SULF1: variants seen among roughly 807,000 people sequenced by gnomAD.
The protein encoded by SULF1 is sulfatase 1, also known as extracellular sulfatase Sulf-1.
Under a neutral mutation model 110.5 loss-of-function variants are expected in SULF1, and 46 were observed. The observed-to-expected ratio is 0.42, with a 90% CI of 0.33 to 0.53. SULF1 has a LOEUF of 0.53. SULF1 is among the 20% of genes least tolerant of loss of function. The pLI, the probability that SULF1 is intolerant of heterozygous loss-of-function variation, is 0.12. For missense variants in SULF1, 941 were observed against 1,094.2 expected (o/e 0.86, Z 1.98); for synonymous variants, 371 against 387.1 (o/e 0.96, Z 0.49).
intron 5 of SULF1, among the ~76,000 whole-genome samples, chr8:69,566,770 G>C (rs965387738): frequency 2.0e-5 from 3 of 152,128 alleles, no homozygotes. Context: ...AGAATTGCTT[G>C]ACCCGTGAGG....
At chr8:69,608,338 C>T (rs1157279675) in intron 13 of SULF1, among the ~76,000 whole-genome samples, 1 of 152,150 alleles carries the variant, frequency 6.6e-6, no homozygotes, top group African/African-American at 2.4e-5. Flanking sequence ...ATTATTATTC[C>T]AAGCCATCTT....
Position 69,647,191 on chromosome 8 carries a change from C to T in SULF1, c.2585+6350C>T, listed in dbSNP as rs1811984883. On this transcript the variant is annotated intron_variant, in intron 22 of 22. Coordinates refer to ENST00000402687, the MANE Select transcript of SULF1 (RefSeq NM_001128205.2). Reference sequence around the variant, plus strand: ...AACTCCTGCTCAAGTGATCCTCCCACCTCAGCCTCCCAAAGTGCTGAGATT... The same window carrying T: ...AACTCCTGCTCAAGTGATCCTCCCATCTCAGCCTCCCAAAGTGCTGAGATT... 3.3e-5 allele frequency among the ~76,000 whole-genome samples: 5 copies of T among 151,738 alleles called. No homozygotes were observed. In the South Asian group the frequency reaches 1.0e-3, roughly 32 times the overall value.
At chr8:69,540,987 G>A (rs1364442141) in intron 3 of SULF1, among the ~76,000 whole-genome samples, 4 of 152,058 alleles carry the variant, frequency 2.6e-5, no homozygotes, top group African/African-American at 7.2e-5. Context: ...TTCTAATCTT[G>A]AAAGCTTATA....
intron 6 of SULF1, among the ~76,000 whole-genome samples, chr8:69,578,070 T>C (rs1031749215): frequency 1.3e-5 from 2 of 152,152 alleles, no homozygotes; most frequent in African/African-American, 4.8e-5. Context: ...TATTTAGAAC[T>C]AAGCATCCAG....
chr8:69,584,594 A>G lies in SULF1; in HGVS notation c.413-1763A>G, dbSNP rs1806311499. 2.0e-5 allele frequency: 3 copies of G among 152,230 alleles called. No individual in the cohort carries two copies. In the South Asian group the frequency reaches 6.2e-4, roughly 31 times the overall value. 9.4% of individuals were successfully genotyped at this position (152,230 alleles called of 1,614,324 possible). On this transcript the variant is annotated intron_variant, in intron 6 of 22. Transcript: ENST00000402687. ...GGTAAGTCAAAAATGCATTTAATAT[A>G]CTGAACCTACCGAACACCAGAGCTT...
chr8:69,500,523 G>T (rs1442629037), intron 2 of SULF1, among the ~76,000 whole-genome samples: 4 of 152,144 alleles, frequency 2.6e-5, no homozygotes, highest in Non-Finnish European at 5.9e-5. Flanking sequence ...AGATACTTTT[G>T]ACATCACATT....
chr8:69,565,833 C>A (rs1815838534), intron 5 of SULF1, among the ~76,000 whole-genome samples: 1 of 152,136 alleles, frequency 6.6e-6, no homozygotes, highest in Non-Finnish European at 1.5e-5. Flanking sequence ...CACTTTCACT[C>A]TGTGCTTCAT....
At chr8:69,504,944 G>A (rs1407557629) in intron 3 of SULF1, among the ~76,000 whole-genome samples, 2 of 152,248 alleles carry the variant, frequency 1.3e-5, no homozygotes, top group African/African-American at 4.8e-5. Flanking sequence ...TCAAAATGCT[G>A]CCCTGTGCAT....
At chr8:69,514,816 A>G (rs1244534893) in intron 3 of SULF1, among the ~76,000 whole-genome samples, 3 of 152,210 alleles carry the variant, frequency 2.0e-5, no homozygotes, top group Non-Finnish European at 4.4e-5. Flanking sequence ...AGCCCCATGC[A>G]AGTCTGAAAC....
chr8:69,507,910 A>G (rs1811304416), intron 3 of SULF1, among the ~76,000 whole-genome samples: 1 of 152,154 alleles, frequency 6.6e-6, no homozygotes, highest in South Asian at 2.1e-4. Context: ...ATAATCTGGC[A>G]TGTAGGGGAA....
At chr8:69,572,314 C>T (rs948992709) in intron 5 of SULF1, among the ~76,000 whole-genome samples, 1 of 152,106 alleles carries the variant, frequency 6.6e-6, no homozygotes, top group Non-Finnish European at 1.5e-5. Flanking sequence ...TCTGTGTGGC[C>T]CTAGGCACAG....
At chr8:69,586,219 A>G (rs1431611945) in intron 6 of SULF1, 138 bp from the exon 7 acceptor site, 16 of 757,838 alleles carry the variant, frequency 2.1e-5, no homozygotes, top group Admixed American at 3.4e-5. Flanking sequence ...TATTACACTA[A>G]TGTCATTTTG....
chr8:69,645,185 C>T (rs1028850428), intron 22 of SULF1, among the ~76,000 whole-genome samples: 2 of 152,102 alleles, frequency 1.3e-5, no homozygotes, highest in African/African-American at 4.8e-5. Context: ...AGCTGGGTAG[C>T]GGCAGGGGTG....
chr8:69,493,455 AC>A (rs1554559576), intron 1 of SULF1, among the ~76,000 whole-genome samples: 2 of 29,616 alleles, frequency 6.8e-5, no homozygotes, highest in African/African-American at 1.7e-4. Flanking sequence ...CACTACACAC[AC>A]ACACACACAC....
intron 2 of SULF1, among the ~76,000 whole-genome samples, 164 bp downstream of exon 2, chr8:69,496,090 T>A (rs1016615753): frequency 6.6e-6 from 1 of 152,276 alleles, no homozygotes; most frequent in Admixed American, 6.5e-5. Flanking sequence ...TCACCCTTTC[T>A]GTGCTCAGCA....
At position 69,603,221 on chromosome 8, in the gene SULF1, T is replaced by C; in HGVS notation, c.1091T>C (p.Leu364Ser). 6.2e-7 allele frequency: 1 copy of C among 1,614,176 alleles called. No individual in the cohort carries two copies. The highest frequency in any genetic ancestry group is 8.5e-7 in the Non-Finnish European group (1 of 1,180,036). ...IVPQIVLNID[L>S]APTILDIAGL... ...CCACAGATCGTTCTCAACATTGACTTGGCCCCCACGATCCTGGATATTGCT... is the reference window on the plus strand; with the variant it reads ...CCACAGATCGTTCTCAACATTGACTCGGCCCCCACGATCCTGGATATTGCT... The change falls in exon 11 of 23, where the codon TTG (leucine) becomes TCG (serine). Residue 364 changes from leucine to serine, a missense_variant. Leu to Ser is a moderately radical substitution (Grantham distance 145). Transcript: ENST00000402687.
At chr8:69,589,686 G>A (rs963462909) in intron 8 of SULF1, among the ~76,000 whole-genome samples, 4 of 151,858 alleles carry the variant, frequency 2.6e-5, no homozygotes, top group African/African-American at 9.7e-5. Context: ...TTTTTAAAGA[G>A]GCAGGAGTCT....
intron 6 of SULF1, among the ~76,000 whole-genome samples, chr8:69,583,135 A>G (rs1242501837): frequency 1.3e-5 from 2 of 152,228 alleles, no homozygotes; most frequent in Non-Finnish European, 2.9e-5. Flanking sequence ...CATTCATTCA[A>G]CAAACAAACA....
chr8:69,636,571 TGAACTCTTG>T (rs2130659541), intron 19 of SULF1, among the ~76,000 whole-genome samples: 1 of 152,170 alleles, frequency 6.6e-6, no homozygotes, highest in Admixed American at 6.5e-5. Flanking sequence ...CAGGATTCAA[TGAACTCTTG>T]GAAAGCATTT....
Sources: allele counts gnomAD v4.1 joint callset (sites outside exome capture counted in the v4.1 genomes callset), GRCh38; gene constraint gnomAD v4.1.1; transcripts MANE v1.5; gene names NCBI Gene and HGNC (gene_info 2026-07-23, HGNC 2026-07-21).